CAMTA2: variants seen among roughly 807,000 people sequenced by gnomAD.
CAMTA2 encodes calmodulin binding transcription activator 2.
In CAMTA2, 56 loss-of-function variants were observed where a neutral mutation model predicts 135.7. That is an observed-to-expected ratio of 0.41 (90% confidence interval 0.33 to 0.52). The LOEUF is 0.52. Ranked by LOEUF, CAMTA2 falls within the 20% of genes least tolerant of loss-of-function variation. The pLI, the probability that CAMTA2 is intolerant of heterozygous loss-of-function variation, is 0.16. For synonymous variants in CAMTA2, 591 were observed against 604.6 expected, an observed-to-expected ratio of 0.98 and a Z score of 0.33; for missense variants, 1,358 against 1,553.4, an observed-to-expected ratio of 0.87 and a Z score of 2.11.
intron 9 of CAMTA2, 22 bp from the exon 10 acceptor site, chr17:4,978,652 C>T: frequency 1.2e-6 from 2 of 1,608,302 alleles, no homozygotes; most frequent in Non-Finnish European, 1.7e-6. Flanking sequence ...AGTCAGAGAC[C>T]ATGTGACTGG....
At chr17:4,986,463 G>A in intron 1 of CAMTA2, 177 bp from the exon 2 acceptor site, 1 of 579,138 alleles carries the variant, frequency 1.7e-6, no homozygotes, top group East Asian at 2.9e-5. Context: ...AGTGCCCGGA[G>A]CCAATATGAG....
chr17:4,979,971 C>T lies in CAMTA2; in HGVS notation c.1351G>A (p.Glu451Lys), dbSNP rs1567694746. 6.2e-7 allele frequency: 1 copy of T among 1,613,456 alleles called. No individual in the cohort carries two copies. The highest frequency in any genetic ancestry group is 1.7e-5 in the Admixed American group (1 of 60,020). ...GCAGCCCCGTGACCCTTGAGCTCCT[C>T]CCCACTGTCATCATCTTGGATGAAG... ...CFFIQDDDSG[E>K]ELKGHGAAPP... The change falls in exon 9 of 23, where the codon GAG becomes AAG. Residue 451 changes from glutamate (E) to lysine (K), a missense_variant. Physicochemically the swap from Glu to Lys is moderately conservative, Grantham distance 56. Coordinates refer to ENST00000348066, the MANE Select transcript of CAMTA2 (RefSeq NM_015099.4).
At chr17:4,986,140 T>G in intron 2 of CAMTA2, 52 bp downstream of exon 2, 1 of 1,181,864 alleles carries the variant, frequency 8.5e-7, no homozygotes. Flanking sequence ...CACTAAAGCG[T>G]GGGGAGAACG....
At position 4,968,452 on chromosome 17, in the gene CAMTA2, C is replaced by A; in HGVS notation, c.*304G>T. On this transcript the variant is annotated 3_prime_UTR_variant, in exon 23 of 23. Transcript: ENST00000348066. ...AAGGCAAGTCAGGAGGGGGCCGAGT[C>A]GGGTGCAGGCAGGAGGAGCTGGGGA... is the stretch of plus-strand genomic sequence containing the variant. 1.9e-6 allele frequency: 1 copy of A among 519,070 alleles called. No homozygotes were observed. Among genetic ancestry groups the A allele is most frequent in the Non-Finnish European group, 3.5e-6 (1 of 289,368 alleles). The allele number at this position is 519,070 out of a possible 1,614,324, so 32.2% of individuals were successfully genotyped here.
At position 4,975,595 on chromosome 17, in the gene CAMTA2, A is replaced by G. The variant is rs529050553; in HGVS notation, c.1901-1095T>C. On this transcript the variant is annotated intron_variant, in intron 11 of 22. Coordinates refer to ENST00000348066, the MANE Select transcript of CAMTA2 (RefSeq NM_015099.4). Reference sequence around the variant, plus strand: ...GGCCTGGCCAGATCCCAAGGTAGGCAGACTCAAGTCAGAGACAAGCAACCC... The same window carrying G: ...GGCCTGGCCAGATCCCAAGGTAGGCGGACTCAAGTCAGAGACAAGCAACCC... 4.6e-5 allele frequency among the ~76,000 whole-genome samples: 7 copies of G among 152,306 alleles called. No individual in the cohort carries two copies. In the South Asian group the frequency reaches 8.3e-4, roughly 18 times the overall value.
chr17:4,970,588 G>A lies in CAMTA2; in HGVS notation c.2809-52C>T, dbSNP rs1366319843. On this transcript the variant is annotated intron_variant, in intron 16 of 22. Coordinates refer to ENST00000348066, the MANE Select transcript of CAMTA2 (RefSeq NM_015099.4). ...TCCTTAGGGGCCCCAGCTGCCAGCT[G>A]TAACCTCAGTCCATTCCTATCTTGT... 2.8e-6 allele frequency: 4 copies of A among 1,448,654 alleles called. No homozygotes were observed. The South Asian group carries it at 3.4e-5, about 12-fold the overall frequency. 89.7% of individuals were successfully genotyped at this position (1,448,654 alleles called of 1,614,324 possible). A position where few individuals can be genotyped will look rare whatever the true frequency, so the allele number is the denominator to read the frequency against.
Position 4,969,719 on chromosome 17 carries a change from TCAC to T in CAMTA2, c.3190-21_3190-19del, listed in dbSNP as rs555768575. ...CGCCGGCCCTGAAGGGAGAGAAGTC[TCAC>T]CACCTCATGACCCACATAATGGCAT... On this transcript the variant is annotated intron_variant, in intron 18 of 22. Coordinates refer to ENST00000348066, the MANE Select transcript of CAMTA2 (RefSeq NM_015099.4). This position sits in a 1 kb window ranked among gnomAD's most constrained non-coding sequence, Gnocchi z 5.6. 278 of 1,613,610 alleles carry T rather than the reference TCAC, an allele frequency of 1.7e-4. 2 individuals carry two copies. In the African/African-American group the frequency reaches 2.4e-3, roughly 14 times the overall value.
chr17:4,981,381 G>T, intron 7 of CAMTA2, 22 bp from the exon 8 acceptor site: 1 of 1,612,282 alleles, frequency 6.2e-7, no homozygotes, highest in Non-Finnish European at 8.5e-7. Context: ...AGGGGGAAGT[G>T]CTGTGGGATC....
chr17:4,980,423 C>G lies in CAMTA2; in HGVS notation c.899G>C (p.Gly300Ala). ...PSSSSSSSSS[G>A]FAEPLEIRPS... ...TCTGATTTCTAGGGGCTCTGCAAAA[C>G]CTGATGAGGAGGAAGAAGAGGAAGA... is the stretch of plus-strand genomic sequence containing the variant. Residue 300 changes from glycine to alanine, a missense_variant, in exon 9 of 23, where the codon GGT (glycine) becomes GCT (alanine). Gly to Ala is a moderately conservative substitution (Grantham distance 60). Around this residue, in one of 4 missense-constraint regions of CAMTA2, gnomAD observed 1,077 missense variants for 1,127.5 expected, o/e 0.96. Coordinates refer to ENST00000348066, the MANE Select transcript of CAMTA2 (RefSeq NM_015099.4). The surrounding 1 kb of genome is among the most constrained non-coding windows in gnomAD (Gnocchi z 5.3). The G allele has an allele frequency of 6.2e-7, 1 of 1,613,376 alleles. No homozygotes were observed. The highest frequency in any genetic ancestry group is 1.1e-5 in the South Asian group (1 of 91,054).
rs768653158 is a variant in CAMTA2 at position 4,980,392 on chromosome 17, G to A, written c.930C>T (p.Ser310=). The part of the protein sequence containing the change: ...GFAEPLEIRP[S]PPTSRGGSSR... ...AAGAACCCCCTCGAGAAGTGGGAGG[G>A]CTAGGTCTGATTTCTAGGGGCTCTG... Residue 310 remains serine (S), a synonymous_variant, in exon 9 of 23, where the codon AGC becomes AGT. Transcript: ENST00000348066. This position sits in a 1 kb window ranked among gnomAD's most constrained non-coding sequence, Gnocchi z 5.3. The A allele has an allele frequency of 9.2e-5, 149 of 1,613,952 alleles. No individual in the cohort carries two copies. The highest frequency in any genetic ancestry group is 1.2e-4 in the Non-Finnish European group (137 of 1,179,992).
chr17:4,977,215 G>T (rs370544001), intron 10 of CAMTA2, 23 bp from the exon 11 acceptor site: 1 of 1,609,018 alleles, frequency 6.2e-7, no homozygotes, highest in South Asian at 1.1e-5. Context: ...GGATCAGCGA[G>T]AAGGGCTCTC....
intron 1 of CAMTA2, chr17:4,987,268 A>C: frequency 7.5e-7 from 1 of 1,333,714 alleles, no homozygotes; most frequent in Non-Finnish European, 9.5e-7. Flanking sequence ...TCCCAGGAGA[A>C]CCTCCGAGGT....
chr17:4,974,898 G>A (rs1267588012), intron 11 of CAMTA2, among the ~76,000 whole-genome samples: 1 of 152,180 alleles, frequency 6.6e-6, no homozygotes, highest in Admixed American at 6.5e-5. Context: ...TGGTGAAGGT[G>A]AAGGATTCCA....
At chr17:4,971,647 A>G (rs1972291846) in intron 16 of CAMTA2, among the ~76,000 whole-genome samples, 1 of 151,826 alleles carries the variant, frequency 6.6e-6, no homozygotes, top group African/African-American at 2.4e-5. Context: ...ACCCAGCCAG[A>G]ATATTTTTTA....
intron 3 of CAMTA2, chr17:4,983,775 G>A (rs966747897): frequency 6.6e-6 from 1 of 151,686 alleles, no homozygotes; most frequent in Non-Finnish European, 1.5e-5. Context: ...GTAGAAACGG[G>A]GTTTCACCAT....
At chr17:4,973,391 A>G in intron 13 of CAMTA2, 138 bp from the exon 14 acceptor site, 1 of 862,408 alleles carries the variant, frequency 1.2e-6, no homozygotes, top group Non-Finnish European at 1.9e-6. Flanking sequence ...TAGCTTAAGG[A>G]GGTCAAGAAG....
chr17:4,968,241 C>T lies in CAMTA2; in HGVS notation c.*515G>A. The stretch of plus-strand genomic sequence containing the variant: ...GTTCCTATGTACACCACCTCCCCTT[C>T]GGCCCTGAGGTCAGTGGCCAGAGTC... On this transcript the variant is annotated 3_prime_UTR_variant, in exon 23 of 23. Coordinates refer to ENST00000348066, the MANE Select transcript of CAMTA2 (RefSeq NM_015099.4). The T allele has an allele frequency of 3.9e-6, 1 of 256,164 alleles. No homozygotes were observed. The highest frequency in any genetic ancestry group is 5.2e-5 in the South Asian group (1 of 19,356). The allele number at this position is 256,164 out of a possible 1,614,324, so 15.9% of individuals were successfully genotyped here.
At chr17:4,982,572 G>A (rs958377383) in intron 5 of CAMTA2, among the ~76,000 whole-genome samples, 185 bp downstream of exon 5, 2 of 152,222 alleles carry the variant, frequency 1.3e-5, no homozygotes, top group South Asian at 2.1e-4. Context: ...GTTGAGTCAC[G>A]GAGGGAAATG....
In CAMTA2 at chr17:4,969,439, CA is replaced by C; in HGVS notation, c.3282+60del. 1 of 1,609,928 alleles carries C rather than the reference CA, an allele frequency of 6.2e-7. No homozygotes were observed. The highest frequency in any genetic ancestry group is 8.5e-7 in the Non-Finnish European group (1 of 1,176,198). Reference sequence around the variant, plus strand: ...GGCTGATGCAAGACTCTCTGTAACCCACACACTCAAGGAAAGACTGAATCAT... The same window carrying C: ...GGCTGATGCAAGACTCTCTGTAACCCCACACTCAAGGAAAGACTGAATCAT... On this transcript the variant is annotated intron_variant, in intron 20 of 22. Coordinates refer to ENST00000348066, the MANE Select transcript of CAMTA2 (RefSeq NM_015099.4). This position sits in a 1 kb window ranked among gnomAD's most constrained non-coding sequence, Gnocchi z 5.6.
Sources: gnomAD v4.1 joint callset for allele counts (sites outside exome capture counted in the v4.1 genomes callset) on GRCh38, gnomAD v4.1.1 for gene constraint, gnomAD v4.1.1 regional missense constraint, Gnocchi (gnomAD v3.1) non-coding constraint, MANE v1.5 for transcripts, NCBI Gene and HGNC (gene_info 2026-07-23, HGNC 2026-07-21) for gene names.